GANC: variants seen among roughly 807,000 people sequenced by gnomAD.
The protein encoded by GANC is neutral alpha-glucosidase C.
Under a neutral mutation model 124.2 loss-of-function variants are expected in GANC, and 117 were observed. The observed-to-expected ratio is 0.94, with a 90% confidence interval of 0.81 to 1.10. The LOEUF is 1.10. Among genes scored for constraint, GANC ranks in the 50% least tolerant of loss-of-function variants. The probability of loss-of-function intolerance (pLI) is 0.00; values close to 1 mark genes in which losing one functional copy is unlikely to be tolerated. For missense variants in GANC, 1,140 were observed against 1,095.0 expected (o/e 1.04, Z -0.58); for synonymous variants, 377 against 376.8 (o/e 1.00, Z -0.01).
chr15:42,284,243 T>C, intron 3 of GANC: 1 of 544,352 alleles, frequency 1.8e-6, no homozygotes, highest in Admixed American at 3.4e-5. Flanking sequence ...TCTATTATGG[T>C]CTTTACTAAT....
At chr15:42,299,318 A>G (rs1448180647) in intron 6 of GANC, among the ~76,000 whole-genome samples, 2 of 152,216 alleles carry the variant, frequency 1.3e-5, no homozygotes, top group Admixed American at 1.3e-4. Flanking sequence ...CTATTGAGAT[A>G]ATCATGTGGT....
intron 4 of GANC, among the ~76,000 whole-genome samples, chr15:42,289,388 T>C (rs1360708921): frequency 6.6e-6 from 1 of 152,184 alleles, no homozygotes; most frequent in Non-Finnish European, 1.5e-5. Context: ...ATAACTCAAC[T>C]TCCTGATTCT....
intron 1 of GANC, 148 bp downstream of exon 1, chr15:42,274,658 G>A: frequency 1.3e-6 from 1 of 761,884 alleles, no homozygotes; most frequent in East Asian, 3.1e-5. Flanking sequence ...GATATTAATA[G>A]CCTCTCATAA....
At chr15:42,297,547 A>T in intron 5 of GANC, 64 bp from the exon 6 acceptor site, 3 of 1,238,666 alleles carry the variant, frequency 2.4e-6, no homozygotes, top group Non-Finnish European at 3.5e-6. Flanking sequence ...AAAAATCTTT[A>T]TCATTGAACA....
chr15:42,279,238 T>G (rs909698988), intron 3 of GANC, among the ~76,000 whole-genome samples: 2 of 152,226 alleles, frequency 1.3e-5, no homozygotes, highest in Non-Finnish European at 2.9e-5. Context: ...AAGTCTCACA[T>G]TTAGTAACCA....
In GANC at chr15:42,349,910, A is replaced by C. The variant is rs569753999; in HGVS notation, c.2531+415A>C. ...GTGATCCACCCACCTCAGCCTCCCA[A>C]AGTGCTGGGATTACAGGTGTGAGCC... is the stretch of plus-strand genomic sequence containing the variant. On this transcript the variant is annotated intron_variant, in intron 22 of 23. Transcript: ENST00000318010. Among the ~76,000 whole-genome samples, 69 of 151,896 alleles carry C rather than the reference A, an allele frequency of 4.5e-4. 1 individual carries two copies. The South Asian group carries it at 0.013, about 28-fold the overall frequency.
chr15:42,286,780 C>T (rs906885452), intron 3 of GANC, among the ~76,000 whole-genome samples: 2 of 152,160 alleles, frequency 1.3e-5, no homozygotes, highest in African/African-American at 4.8e-5. Context: ...CCACATTGTA[C>T]CCATTCTAAG....
Position 42,320,984 on chromosome 15 carries a change from T to G in GANC, c.1058-801T>G, listed in dbSNP as rs111502331. The stretch of plus-strand genomic sequence containing the variant: ...TCCACTCCCATTCTCTTTGTTTTTG[T>G]GGCTTTCTTCCTTTTTTCTTCTCTT... On this transcript the variant is annotated intron_variant, in intron 10 of 23. Transcript: ENST00000318010. 8.1e-3 allele frequency among the ~76,000 whole-genome samples: 1,229 copies of G among 152,338 alleles called. 9 individuals are homozygous for G. The highest frequency in any genetic ancestry group is 0.037 in the Middle Eastern group (11 of 294).
At chr15:42,283,703 G>A in intron 3 of GANC, 1 of 702,558 alleles carries the variant, frequency 1.4e-6, no homozygotes, top group South Asian at 1.5e-5. Context: ...GTTACCCCTT[G>A]CCTCTTCATC....
chr15:42,330,600 A>T lies in GANC; in HGVS notation c.1669A>T (p.Ile557Leu), dbSNP rs755838173. 2 of 1,611,956 alleles carry T rather than the reference A, an allele frequency of 1.2e-6. No homozygotes were observed. The highest frequency in any genetic ancestry group is 1.1e-5 in the South Asian group (1 of 90,424). The change falls in exon 15 of 24, where the codon ATA becomes TTA. Residue 557 changes from isoleucine to leucine, a missense_variant. Physicochemically the swap from Ile to Leu is conservative, Grantham distance 5. Transcript: ENST00000318010. ...GCAAATGGCTACTGCAGAAGGACTGATAAAACGATCTAAAGGGAAGGAGAG... is the reference window on the plus strand; with the variant it reads ...GCAAATGGCTACTGCAGAAGGACTGTTAAAACGATCTAAAGGGAAGGAGAG... Reference protein sequence around the residue: ...YHQMATAEGLIKRSKGKERPF... With the variant: ...YHQMATAEGLLKRSKGKERPF...
rs763267378 is a variant in GANC, at chr15:42,345,785, C to T, written c.2257C>T (p.His753Tyr). Residue 753 changes from histidine (H) to tyrosine (Y), a missense_variant, in exon 20 of 24, where the codon CAT (histidine) becomes TAT (tyrosine). Transcript: ENST00000318010. ...CTGGTATGACTATAAGACATTTGCT[C>T]ATTGGGAAGGAGGGTGTACTGTAAA... ...EVWYDYKTFA[H>Y]WEGGCTVKIP... 34 of 1,612,218 alleles carry T rather than the reference C, an allele frequency of 2.1e-5. No homozygotes were observed. The highest frequency in any genetic ancestry group is 9.4e-5 in the African/African-American group (7 of 74,826).
chr15:42,276,140 T>G (rs1595759972), intron 1 of GANC: 1 of 383,050 alleles, frequency 2.6e-6, no homozygotes, highest in South Asian at 3.9e-5. Context: ...CCTGATGTTT[T>G]GTTGTTTACC....
At chr15:42,310,512 C>A (rs1333107670) in intron 9 of GANC, 49 bp downstream of exon 9, 1 of 1,526,442 alleles carries the variant, frequency 6.6e-7, no homozygotes. Flanking sequence ...AGAAACAAAA[C>A]CACTGCAGTG....
chr15:42,286,880 C>T, intron 3 of GANC, among the ~76,000 whole-genome samples: 1 of 152,344 alleles, frequency 6.6e-6, no homozygotes, highest in South Asian at 2.1e-4. Flanking sequence ...AATTTGGCAT[C>T]ATACTTCGTG....
chr15:42,342,935 T>C, intron 18 of GANC, 143 bp from the exon 19 acceptor site: 1 of 640,684 alleles, frequency 1.6e-6, no homozygotes. Flanking sequence ...TAACAAATCA[T>C]TGGTTCAAGT....
Position 42,310,374 on chromosome 15 carries a change from C to G in GANC, c.814C>G (p.Leu272Val), listed in dbSNP as rs903015064. The G allele has an allele frequency of 6.2e-7, 1 of 1,613,726 alleles. No individual in the cohort carries two copies. Among genetic ancestry groups the G allele is most frequent in the African/African-American group, 1.3e-5 (1 of 74,874 alleles). Residue 272 changes from leucine to valine, a missense_variant, in exon 9 of 24, where the codon CTG becomes GTG. Physicochemically the swap from Leu to Val is conservative, Grantham distance 32. Coordinates refer to ENST00000318010, the MANE Select transcript of GANC (RefSeq NM_198141.3). The stretch of plus-strand genomic sequence containing the variant: ...CATTTATGGTTCAGTACCTTATCTC[C>G]TGGCCCACAAACTGGGCAGAACTAT... ...MGIYGSVPYLLAHKLGRTIGI... is the reference protein window; with the variant it reads ...MGIYGSVPYLVAHKLGRTIGI...
At chr15:42,329,991 C>T (rs537991142) in intron 14 of GANC, among the ~76,000 whole-genome samples, 24 of 152,342 alleles carry the variant, frequency 1.6e-4, no homozygotes, top group African/African-American at 5.5e-4. Flanking sequence ...ATCCAAAAGA[C>T]GTGGCAGACA....
intron 3 of GANC, chr15:42,284,014 C>T (rs1265320575): frequency 2.8e-6 from 2 of 702,352 alleles, no homozygotes; most frequent in South Asian, 1.5e-5. Flanking sequence ...AACTATTAGA[C>T]CATCCTCTGG....
chr15:42,351,619 T>C (rs1362566396), intron 23 of GANC, among the ~76,000 whole-genome samples, 187 bp downstream of exon 23: 6 of 152,256 alleles, frequency 3.9e-5, no homozygotes, highest in Admixed American at 3.9e-4. Flanking sequence ...TTGATCTTTC[T>C]GCTCACTTTT....
Sources: gnomAD v4.1 joint callset for allele counts (sites outside exome capture counted in the v4.1 genomes callset) on GRCh38, gnomAD v4.1.1 for gene constraint, MANE v1.5 for transcripts, NCBI Gene and HGNC (gene_info 2026-07-23, HGNC 2026-07-21) for gene names.